Variants in SH3BP5 observed in about 807,000 individuals in gnomAD.
SH3BP5 encodes the protein SH3 domain-binding protein 5.
A neutral mutation model predicts 43.3 loss-of-function variants in SH3BP5; 22 were observed. The ratio of observed to expected loss-of-function variants is 0.51; its 90% CI spans 0.36 to 0.73. The LOEUF is 0.73. Ranked by LOEUF, SH3BP5 falls within the 30% of genes least tolerant of loss-of-function variation. SH3BP5 has a pLI of 0.00. For missense variants in SH3BP5, 529 were observed against 586.9 expected (o/e 0.90, Z 1.02); for synonymous variants, 255 against 225.8 (o/e 1.13, Z -1.16).
At chr3:15,260,666 GTA>G (rs1022414296) in intron 5 of SH3BP5, 4 of 152,244 alleles carry the variant, frequency 2.6e-5, no homozygotes, top group African/African-American at 7.2e-5. Flanking sequence ...AAGGTGAAGA[GTA>G]TGTGTGTGAA....
Position 15,261,492 on chromosome 3 carries a change from G to A in SH3BP5, c.626+667C>T, listed in dbSNP as rs534327205. 3.9e-4 allele frequency among the ~76,000 whole-genome samples: 60 copies of A among 152,280 alleles called. 1 individual carries two copies. The highest frequency in any genetic ancestry group is 3.7e-3 in the Admixed American group (56 of 15,300). On this transcript the variant is annotated intron_variant, in intron 5 of 8. Coordinates refer to ENST00000383791, the MANE Select transcript of SH3BP5 (RefSeq NM_004844.5). The stretch of plus-strand genomic sequence containing the variant: ...GGGCTGTGACCACACCTGGAGAACA[G>A]GCATTCAGTAGCCCTGCACAGCCTG...
chr3:15,289,867 G>A (rs1053588288), intron 3 of SH3BP5, among the ~76,000 whole-genome samples: 3 of 152,130 alleles, frequency 2.0e-5, no homozygotes, highest in Non-Finnish European at 4.4e-5. Context: ...GCCCAGGTCA[G>A]TGTGAAAACA....
Position 15,340,823 on chromosome 3 carries a change from C to T in SH3BP5, c.-402+400G>A, listed in dbSNP as rs4488815. On this transcript the variant is annotated intron_variant, in intron 1 of 8. Transcript: ENST00000408919. ...ATCCTAGCACTTTGGGAAGCTGAGG[C>T]GGGCGGATCACCTGAGGTTGGGAGT... Among the ~76,000 whole-genome samples, 1,389 of 152,004 alleles carry T rather than the reference C, an allele frequency of 9.1e-3. 64 individuals are homozygous for T. Among genetic ancestry groups the T allele is most frequent in the Admixed American group, 0.071 (1,082 of 15,264 alleles).
intron 1 of SH3BP5, among the ~76,000 whole-genome samples, chr3:15,338,022 T>G (rs1244666712): frequency 6.6e-6 from 1 of 151,578 alleles, no homozygotes; most frequent in Admixed American, 6.6e-5. Flanking sequence ...TAAATTAAGA[T>G]TCCTTGCAAT....
chr3:15,324,060 A>G (rs1698399838), intron 2 of SH3BP5, among the ~76,000 whole-genome samples: 2 of 152,220 alleles, frequency 1.3e-5, no homozygotes, highest in Non-Finnish European at 2.9e-5. Context: ...GCTACCCTGA[A>G]GAGACGCAAA....
chr3:15,257,452 ATCC>A (rs1423334093), intron 7 of SH3BP5: 4 of 232,366 alleles, frequency 1.7e-5, no homozygotes, highest in Non-Finnish European at 3.4e-5. Context: ...CCCCAAATAC[ATCC>A]TCATGTGCAC....
At chr3:15,337,675 G>A (rs1698717005) in intron 1 of SH3BP5, among the ~76,000 whole-genome samples, 1 of 151,986 alleles carries the variant, frequency 6.6e-6, no homozygotes, top group Non-Finnish European at 1.5e-5. Context: ...AGAGGCCAAG[G>A]GAGGAGGATC....
chr3:15,292,090 G>C (rs1409312461), intron 3 of SH3BP5, among the ~76,000 whole-genome samples: 4 of 152,182 alleles, frequency 2.6e-5, no homozygotes, highest in Non-Finnish European at 4.4e-5. Context: ...TCCTTTCACT[G>C]AAAAATTAAT....
At chr3:15,276,502 G>A (rs113556028) in intron 3 of SH3BP5, among the ~76,000 whole-genome samples, 4 of 152,238 alleles carry the variant, frequency 2.6e-5, no homozygotes, top group South Asian at 2.1e-4. Context: ...CGGTCTCCCC[G>A]CCAGCAATAC....
At chr3:15,307,375 G>A (rs1016628428) in intron 2 of SH3BP5, among the ~76,000 whole-genome samples, 2 of 152,204 alleles carry the variant, frequency 1.3e-5, no homozygotes, top group African/African-American at 2.4e-5. Flanking sequence ...CTTCCAATAA[G>A]AGGGAAGCAG....
Position 15,290,527 on chromosome 3 carries a change from A to C in SH3BP5, c.330+13576T>G, listed in dbSNP as rs1268340656. ...GGCAACAGAGTGAGACTCTGTCCCA[A>C]AAAAAAAAAAAAAAAAAAAAAATTA... is the stretch of plus-strand genomic sequence containing the variant. On this transcript the variant is annotated intron_variant, in intron 3 of 8. Transcript: ENST00000383791. 3.9e-4 allele frequency among the ~76,000 whole-genome samples: 52 copies of C among 134,006 alleles called. 1 individual carries two copies. Among genetic ancestry groups the C allele is most frequent in the Middle Eastern group, 3.8e-3 (1 of 264 alleles). 87.9% of individuals were successfully genotyped at this position (134,006 alleles called of 152,430 possible).
chr3:15,323,668 T>C (rs774200017), intron 2 of SH3BP5, among the ~76,000 whole-genome samples: 6 of 152,018 alleles, frequency 3.9e-5, no homozygotes, highest in African/African-American at 1.2e-4. Flanking sequence ...TCACCTGATG[T>C]CAAGACAGCT....
intron 5 of SH3BP5, 89 bp from the exon 6 acceptor site, chr3:15,259,892 C>A: frequency 8.3e-7 from 1 of 1,198,232 alleles, no homozygotes; most frequent in South Asian, 1.2e-5. Context: ...CATCAGCTAC[C>A]ACTGGCCAGG....
intron 1 of SH3BP5, chr3:15,339,654 G>A (rs1698740055): frequency 6.6e-6 from 1 of 152,154 alleles, no homozygotes; most frequent in African/African-American, 2.4e-5. Flanking sequence ...AGGTTGCAGT[G>A]AGCCAAGACG....
intron 6 of SH3BP5, chr3:15,259,543 C>T (rs554590145): frequency 1.6e-5 from 10 of 637,212 alleles, no homozygotes; most frequent in African/African-American, 5.5e-5. Context: ...AACCACTGGC[C>T]TAGTACAACA....
Position 15,316,219 on chromosome 3 carries a change from C to CTTTTTTT in SH3BP5, c.202-11995_202-11989dup, listed in dbSNP as rs577644493. ...TAGAATGTTATTTGGAAAAGACTCG[C>CTTTTTTT]TTTTTTTTTTTTTTTTTTTTTTTGA... is the stretch of plus-strand genomic sequence containing the variant. On this transcript the variant is annotated intron_variant, in intron 2 of 8. Coordinates refer to ENST00000383791, the MANE Select transcript of SH3BP5 (RefSeq NM_004844.5). 8.7e-4 allele frequency among the ~76,000 whole-genome samples: 71 copies of CTTTTTTT among 81,680 alleles called. 1 individual carries two copies. Among genetic ancestry groups the CTTTTTTT allele is most frequent in the African/African-American group, 1.1e-3 (22 of 19,156 alleles). 53.6% of individuals were successfully genotyped at this position (81,680 alleles called of 152,430 possible). A position where few individuals can be genotyped will look rare whatever the true frequency, so the allele number is the denominator to read the frequency against.
intron 1 of SH3BP5, chr3:15,341,149 C>T (rs111461141): frequency 1.3e-5 from 2 of 152,342 alleles, no homozygotes; most frequent in African/African-American, 4.8e-5. Flanking sequence ...TTCCCTGGGG[C>T]CTCCCAGGCC....
intron 3 of SH3BP5, among the ~76,000 whole-genome samples, chr3:15,282,278 G>T (rs1054234492): frequency 2.6e-5 from 4 of 152,130 alleles, no homozygotes; most frequent in African/African-American, 7.2e-5. Flanking sequence ...TTACAGCAGG[G>T]ACCCATGAGG....
intron 2 of SH3BP5, chr3:15,304,435 T>G (rs1470808269): frequency 5.2e-6 from 4 of 774,424 alleles, no homozygotes; most frequent in Non-Finnish European, 8.7e-6. Context: ...CTCTGCACAG[T>G]GCAGTGTGGC....
Sources: allele counts gnomAD v4.1 joint callset (sites outside exome capture counted in the v4.1 genomes callset), GRCh38; gene constraint gnomAD v4.1.1; transcripts MANE v1.5; gene names NCBI Gene and HGNC (gene_info 2026-07-23, HGNC 2026-07-21).